The following ANKEF1 variants were observed in gnomAD, a reference collection of about 807,000 sequenced individuals.
The protein encoded by ANKEF1 is ankyrin repeat and EF-hand domain containing 1.
In ANKEF1, 43 loss-of-function variants were observed where a neutral mutation model predicts 65.1. That is an observed-to-expected ratio of 0.66 (90% CI 0.52 to 0.85). ANKEF1 has a LOEUF of 0.85. ANKEF1 is among the 40% of genes least tolerant of loss of function. ANKEF1 has a pLI of 0.00. For synonymous variants in ANKEF1, 316 were observed against 341.5 expected, an observed-to-expected ratio of 0.93 and a Z score of 0.82; for missense variants, 934 against 952.9, an observed-to-expected ratio of 0.98 and a Z score of 0.26.
chr20:10,051,292 A>C (rs1402730160), intron 7 of ANKEF1, among the ~76,000 whole-genome samples: 2 of 152,124 alleles, frequency 1.3e-5, no homozygotes, highest in Non-Finnish European at 2.9e-5. Context: ...TAAAATGTTA[A>C]ATAATACATG....
At chr20:10,042,248 C>T (rs1318941207) in intron 3 of ANKEF1, among the ~76,000 whole-genome samples, 1 of 152,036 alleles carries the variant, frequency 6.6e-6, no homozygotes, top group East Asian at 1.9e-4. Context: ...ATGAATTAGC[C>T]AGTAATTTTC....
intron 3 of ANKEF1, among the ~76,000 whole-genome samples, chr20:10,039,848 A>T (rs1555771091): frequency 6.6e-6 from 1 of 152,052 alleles, no homozygotes; most frequent in Non-Finnish European, 1.5e-5. Context: ...CCACAAAATA[A>T]TTTTTTTTAA....
At chr20:10,036,169 G>C (rs927847375) in intron 2 of ANKEF1, among the ~76,000 whole-genome samples, 1 of 152,210 alleles carries the variant, frequency 6.6e-6, no homozygotes, top group African/African-American at 2.4e-5. Context: ...CTGGGAGGGA[G>C]GCAGTCCACA....
rs1985222020 is a variant in ANKEF1, at chr20:10,057,190, T to A, written c.*1530T>A. The A allele has an allele frequency of 6.6e-6, 1 of 152,208 alleles. No individual in the cohort carries two copies. Among genetic ancestry groups the A allele is most frequent in the Non-Finnish European group, 1.5e-5 (1 of 68,066 alleles). 9.4% of individuals were successfully genotyped at this position (152,208 alleles called of 1,614,324 possible). Reference sequence around the variant, plus strand: ...CCTTTCCTCTAACCTCCTCCCTCTCTTTCCAACCTTGGAGGGACCTTCCAC... The same window carrying A: ...CCTTTCCTCTAACCTCCTCCCTCTCATTCCAACCTTGGAGGGACCTTCCAC... On this transcript the variant is annotated 3_prime_UTR_variant, in exon 11 of 11. Coordinates refer to ENST00000378392, the MANE Select transcript of ANKEF1 (RefSeq NM_022096.6).
intron 6 of ANKEF1, among the ~76,000 whole-genome samples, chr20:10,047,121 A>C (rs1984562897): frequency 6.6e-6 from 1 of 152,204 alleles, no homozygotes; most frequent in Admixed American, 6.5e-5. Flanking sequence ...CTTATTTCTT[A>C]TTGGGACAAA....
intron 2 of ANKEF1, among the ~76,000 whole-genome samples, chr20:10,037,452 C>G (rs1016052986): frequency 8.5e-5 from 13 of 152,184 alleles, no homozygotes; most frequent in African/African-American, 3.1e-4. Flanking sequence ...TATGCTTGAG[C>G]TTCAGTGTAC....
At chr20:10,052,917 A>G (rs1373536555) in intron 8 of ANKEF1, among the ~76,000 whole-genome samples, 195 bp from the exon 9 acceptor site, 2 of 152,194 alleles carry the variant, frequency 1.3e-5, no homozygotes, top group Non-Finnish European at 2.9e-5. Context: ...GGCACTATAA[A>G]TCATGGGATC....
intron 4 of ANKEF1, among the ~76,000 whole-genome samples, chr20:10,044,113 A>G (rs888372509): frequency 6.6e-6 from 1 of 151,882 alleles, no homozygotes; most frequent in Admixed American, 6.6e-5. Context: ...CTCCCTTTTT[A>G]TTCTGCTCTA....
At chr20:10,035,944 T>G (rs2122212611) in intron 2 of ANKEF1, among the ~76,000 whole-genome samples, 1 of 152,338 alleles carries the variant, frequency 6.6e-6, no homozygotes, top group Non-Finnish European at 1.5e-5. Context: ...TGGTTAGATG[T>G]GACTAAGGTG....
chr20:10,052,234 A>T (rs479039), intron 8 of ANKEF1, among the ~76,000 whole-genome samples: 98,518 of 152,066 alleles, frequency 0.65, 32,889 homozygotes, highest in African/African-American at 0.8. Flanking sequence ...TAAGTTGCTA[A>T]AAACATTTAT....
intron 2 of ANKEF1, among the ~76,000 whole-genome samples, chr20:10,036,303 C>G (rs1025798712): frequency 6.6e-6 from 1 of 151,798 alleles, no homozygotes; most frequent in Non-Finnish European, 1.5e-5. Context: ...TTTCACAAAT[C>G]AAGTGGCATT....
At position 10,050,171 on chromosome 20, in the gene ANKEF1, AAGTGG is replaced by A; in HGVS notation, c.1604_1608del (p.Ser535LysfsTer10). The A allele has an allele frequency of 5.6e-6, 9 of 1,613,918 alleles. No homozygotes were observed. The highest frequency in any genetic ancestry group is 7.6e-6 in the Non-Finnish European group (9 of 1,179,892). ...AAACTCCGCTAATGACGGCGTGTGCAAGTGGAAACATAGATGTGGTCAAGTTTCTT... is the reference window on the plus strand; with the variant it reads ...AAACTCCGCTAATGACGGCGTGTGCAAAACATAGATGTGGTCAAGTTTCTT... On this transcript the variant is annotated frameshift_variant, in exon 7 of 11. Coordinates refer to ENST00000378392, the MANE Select transcript of ANKEF1 (RefSeq NM_022096.6). LOFTEE classifies it high-confidence loss of function.
intron 3 of ANKEF1, among the ~76,000 whole-genome samples, chr20:10,040,139 T>G (rs915462058): frequency 2.0e-5 from 3 of 152,214 alleles, no homozygotes; most frequent in African/African-American, 2.4e-5. Flanking sequence ...TAAAATCTTG[T>G]TTCACACATA....
In ANKEF1 at chr20:10,052,324, C is replaced by T. The variant is rs111740021; in HGVS notation, c.1870+435C>T. On this transcript the variant is annotated intron_variant, in intron 8 of 10. Transcript: ENST00000378392. ...GACTTGCACCAGTTTGCAGATGACA[C>T]TGAGTTATTACACTGTTATGACTGT... Among the ~76,000 whole-genome samples the T allele has an allele frequency of 3.3e-5, 5 of 151,610 alleles. No homozygotes were observed. The East Asian group carries it at 7.7e-4, about 23-fold the overall frequency.
intron 4 of ANKEF1, among the ~76,000 whole-genome samples, chr20:10,043,652 CTTTTTT>C (rs374135080): frequency 1.2e-5 from 1 of 81,372 alleles, no homozygotes; most frequent in South Asian, 5.1e-4. Flanking sequence ...TTTTCTTTTC[CTTTTTT>C]TTTTTTTTTT....
Position 10,044,475 on chromosome 20 carries a change from G to C in ANKEF1, c.628G>C (p.Glu210Gln). The stretch of plus-strand genomic sequence containing the variant: ...TCGAGGCATATTGGAAAGAGGAGGT[G>C]AAGTGAATGCATTTGACAACGACAG... ...IVRGILERGG[E>Q]VNAFDNDRHH... is the part of the protein sequence containing the mutation. The change falls in exon 5 of 11, where the codon GAA becomes CAA. Residue 210 changes from glutamate to glutamine, a missense_variant. Physicochemically the swap from Glu to Gln is conservative, Grantham distance 29. Coordinates refer to ENST00000378392, the MANE Select transcript of ANKEF1 (RefSeq NM_022096.6). 1 of 1,614,146 alleles carries C rather than the reference G, an allele frequency of 6.2e-7. No individual in the cohort carries two copies. The highest frequency in any genetic ancestry group is 8.5e-7 in the Non-Finnish European group (1 of 1,180,012).
chr20:10,051,637 G>T, intron 7 of ANKEF1, 26 bp from the exon 8 acceptor site: 2 of 1,554,690 alleles, frequency 1.3e-6, no homozygotes, highest in East Asian at 4.5e-5. Context: ...CGTATTTTTA[G>T]TTTGTTCATC....
Position 10,049,643 on chromosome 20 carries a change from C to T in ANKEF1, c.1074C>T (p.Asp358=), listed in dbSNP as rs1470216557. 6.2e-7 allele frequency: 1 copy of T among 1,614,118 alleles called. No individual in the cohort carries two copies. The highest frequency in any genetic ancestry group is 2.2e-5 in the East Asian group (1 of 44,880). ...DRGDGSISKN[D]FVMVLEERQD... The stretch of plus-strand genomic sequence containing the variant: ...GTGATGGAAGCATCAGCAAGAACGA[C>T]TTCGTGATGGTGTTGGAGGAAAGGC... The change falls in exon 7 of 11, where the codon GAC becomes GAT. Residue 358 remains aspartate, a synonymous_variant. Coordinates refer to ENST00000378392, the MANE Select transcript of ANKEF1 (RefSeq NM_022096.6).
Position 10,056,612 on chromosome 20 carries a change from A to C in ANKEF1, c.*952A>C, listed in dbSNP as rs565906123. 3.3e-5 allele frequency: 5 copies of C among 152,198 alleles called. No homozygotes were observed. In the East Asian group the frequency reaches 5.8e-4, roughly 18 times the overall value. 9.4% of individuals were successfully genotyped at this position (152,198 alleles called of 1,614,324 possible). Reference sequence around the variant, plus strand: ...AAGTGCTAAATTTGTAGGGTAGGCTATCAGGAAGTGCAGGCTGGAAACATG... The same window carrying C: ...AAGTGCTAAATTTGTAGGGTAGGCTCTCAGGAAGTGCAGGCTGGAAACATG... On this transcript the variant is annotated 3_prime_UTR_variant, in exon 11 of 11. Coordinates refer to ENST00000378392, the MANE Select transcript of ANKEF1 (RefSeq NM_022096.6).
Sources: allele counts gnomAD v4.1 joint callset (sites outside exome capture counted in the v4.1 genomes callset), GRCh38; gene constraint gnomAD v4.1.1; transcripts MANE v1.5; gene names NCBI Gene and HGNC (gene_info 2026-07-23, HGNC 2026-07-21).